TYW1: variants seen among roughly 807,000 people sequenced by gnomAD.
TYW1 encodes the protein S-adenosyl-L-methionine-dependent tRNA 4-demethylwyosine synthase TYW1.
TYW1 carries 46 observed loss-of-function variants against 96.2 expected under a neutral mutation model. The observed-to-expected ratio is 0.48, with a 90% CI of 0.38 to 0.61. TYW1 has a LOEUF of 0.61. TYW1 is among the 20% of genes least tolerant of loss of function. TYW1 has a pLI of 0.00. For synonymous variants in TYW1, 274 were observed against 323.0 expected, an observed-to-expected ratio of 0.85 and a Z score of 1.63; for missense variants, 684 against 909.6, an observed-to-expected ratio of 0.75 and a Z score of 3.19.
chr7:67,035,073 G>A (rs1406434078), intron 7 of TYW1, among the ~76,000 whole-genome samples: 2 of 151,096 alleles, frequency 1.3e-5, no homozygotes, highest in Non-Finnish European at 1.5e-5. Context: ...TGTGTTTATT[G>A]TTCATTTGCA....
At chr7:67,015,575 C>T (rs1222243443) in intron 5 of TYW1, among the ~76,000 whole-genome samples, 3 of 152,062 alleles carry the variant, frequency 2.0e-5, no homozygotes, top group Admixed American at 6.6e-5. Flanking sequence ...TTGGTTCAAA[C>T]TCCTGGCCTC....
At chr7:67,012,893 A>T (rs964908715) in intron 4 of TYW1, among the ~76,000 whole-genome samples, 4 of 146,660 alleles carry the variant, frequency 2.7e-5, no homozygotes, top group Non-Finnish European at 6.0e-5. Context: ...ATGCAGATTT[A>T]AAAAAAAAAA....
chr7:67,202,924 G>A (rs1800648780), intron 15 of TYW1, among the ~76,000 whole-genome samples: 1 of 152,168 alleles, frequency 6.6e-6, no homozygotes, highest in Non-Finnish European at 1.5e-5. Context: ...AACGTCTTAC[G>A]TGATCATAGT....
intron 13 of TYW1, among the ~76,000 whole-genome samples, chr7:67,162,112 C>T (rs1384498623): frequency 4.0e-5 from 6 of 151,844 alleles, no homozygotes; most frequent in East Asian, 3.9e-4. Flanking sequence ...CTGGCTAACA[C>T]GGTGAAACCC....
At chr7:67,015,193 A>G (rs1261235957) in intron 5 of TYW1, among the ~76,000 whole-genome samples, 2 of 151,834 alleles carry the variant, frequency 1.3e-5, no homozygotes, top group Non-Finnish European at 2.9e-5. Context: ...TAGTAGAGAC[A>G]GGGTTTCACC....
At chr7:67,062,662 G>A (rs1477825103) in intron 9 of TYW1, among the ~76,000 whole-genome samples, 1 of 152,004 alleles carries the variant, frequency 6.6e-6, no homozygotes, top group Non-Finnish European at 1.5e-5. Flanking sequence ...GATGATAAGG[G>A]AGTGCTGCAA....
intron 9 of TYW1, among the ~76,000 whole-genome samples, chr7:67,063,901 G>A (rs538609479): frequency 3.3e-5 from 5 of 152,084 alleles, no homozygotes; most frequent in African/African-American, 1.2e-4. Flanking sequence ...GTGCCTGGCC[G>A]TATTCTGTAT....
At chr7:67,215,480 A>G (rs942080897) in intron 15 of TYW1, among the ~76,000 whole-genome samples, 1 of 152,012 alleles carries the variant, frequency 6.6e-6, no homozygotes, top group Non-Finnish European at 1.5e-5. Context: ...TTTACTTTTT[A>G]AAAGTTCTTC....
intron 13 of TYW1, among the ~76,000 whole-genome samples, chr7:67,135,704 C>T (rs1458829209): frequency 6.6e-6 from 1 of 151,934 alleles, no homozygotes; most frequent in African/African-American, 2.4e-5. Flanking sequence ...CCCAGAGCTG[C>T]TGCTCTTCTA....
chr7:67,097,353 A>C (rs1341574319), intron 11 of TYW1, among the ~76,000 whole-genome samples: 1 of 152,188 alleles, frequency 6.6e-6, no homozygotes, highest in Non-Finnish European at 1.5e-5. Context: ...CCAGCCTTGC[A>C]CCCACTCTGA....
In TYW1 at chr7:67,235,893, C is replaced by CAAAAAAA. The variant is rs548873963; in HGVS notation, c.1978-2404_1978-2398dup. 1.0e-4 allele frequency among the ~76,000 whole-genome samples: 7 copies of CAAAAAAA among 69,560 alleles called. No homozygotes were observed. In the East Asian group the frequency reaches 2.0e-3, roughly 20 times the overall value. The allele number at this position is 69,560 out of a possible 152,430, so 45.6% of individuals were successfully genotyped here. ...TGGGAGACAGAGCGAGACTCTGTCT[C>CAAAAAAA]AAAAAAAAAAAAAAAAAGAAAAAGA... On this transcript the variant is annotated intron_variant, in intron 15 of 15. Transcript: ENST00000359626.
rs1797305306 is a variant in TYW1, at chr7:67,108,468, G to T, written c.1563-9015G>T. On this transcript the variant is annotated intron_variant, in intron 12 of 15. Transcript: ENST00000359626. Reference sequence around the variant, plus strand: ...CTTTTTTTTTTTTTTTTGAGACAGGGTCTCACCCTGTCACCCAGCCTGGAG... The same window carrying T: ...CTTTTTTTTTTTTTTTTGAGACAGGTTCTCACCCTGTCACCCAGCCTGGAG... Among the ~76,000 whole-genome samples, 3 of 149,846 alleles carry T rather than the reference G, an allele frequency of 2.0e-5. No homozygotes were observed. In the South Asian group the frequency reaches 6.3e-4, roughly 32 times the overall value.
At chr7:67,176,209 G>T (rs2690181) in intron 13 of TYW1, among the ~76,000 whole-genome samples, 1 of 152,158 alleles carries the variant, frequency 6.6e-6, no homozygotes, top group African/African-American at 2.4e-5. Flanking sequence ...TCTATGGAAA[G>T]ATGTTTTTGA....
chr7:67,188,336 A>G (rs1226952804), intron 14 of TYW1, among the ~76,000 whole-genome samples: 1 of 152,202 alleles, frequency 6.6e-6, no homozygotes, highest in Non-Finnish European at 1.5e-5. Flanking sequence ...AAATTAATAA[A>G]TAACAACAAC....
intron 6 of TYW1, among the ~76,000 whole-genome samples, chr7:67,021,322 T>G (rs1258545228): frequency 6.6e-6 from 1 of 152,294 alleles, no homozygotes; most frequent in Admixed American, 6.5e-5. Context: ...CATCTTTCTC[T>G]GCTACATTTT....
intron 7 of TYW1, among the ~76,000 whole-genome samples, chr7:67,039,442 T>G (rs1302042195): frequency 6.7e-6 from 1 of 148,408 alleles, no homozygotes; most frequent in Admixed American, 6.7e-5. Context: ...TGGGTGACAG[T>G]GTGAGACTCC....
intron 13 of TYW1, among the ~76,000 whole-genome samples, chr7:67,171,533 G>A (rs1799513337): frequency 6.6e-6 from 1 of 152,066 alleles, no homozygotes; most frequent in African/African-American, 2.4e-5. Context: ...TACTGAGAAA[G>A]TTCTTTTGTC....
intron 12 of TYW1, 80 bp from the exon 13 acceptor site, chr7:67,117,403 A>G (rs1563022516): frequency 6.6e-7 from 1 of 1,504,674 alleles, no homozygotes; most frequent in Non-Finnish European, 8.9e-7. Flanking sequence ...CATGTCTATT[A>G]CAGATTGCAG....
At chr7:67,197,326 C>CTTTTTT (rs35406844) in intron 15 of TYW1, among the ~76,000 whole-genome samples, 1 of 142,536 alleles carries the variant, frequency 7.0e-6, no homozygotes. Flanking sequence ...AGACCTCTGT[C>CTTTTTT]TTTTTTTTTT....
Sources: allele counts gnomAD v4.1 joint callset (sites outside exome capture counted in the v4.1 genomes callset), GRCh38; gene constraint gnomAD v4.1.1; transcripts MANE v1.5; gene names NCBI Gene and HGNC (gene_info 2026-07-23, HGNC 2026-07-21).